The following TBC1D5 variants were observed in gnomAD, a reference collection of about 807,000 sequenced individuals.
The protein encoded by TBC1D5 is TBC1 domain family, member 5.
Under a neutral mutation model 100.3 loss-of-function variants are expected in TBC1D5, and 75 were observed. The observed-to-expected ratio is 0.75, with a 90% CI of 0.62 to 0.91. The LOEUF (loss-of-function observed/expected upper bound fraction) is 0.91. Among genes scored for constraint, TBC1D5 ranks in the 40% least tolerant of loss-of-function variants. The pLI is 0.00. For synonymous variants in TBC1D5, 323 were observed against 325.6 expected (o/e 0.99, Z 0.09); for missense variants, 910 against 942.4 (o/e 0.97, Z 0.45).
At chr3:17,309,126 T>C (rs182045194) in intron 13 of TBC1D5, among the ~76,000 whole-genome samples, 1 of 152,122 alleles carries the variant, frequency 6.6e-6, no homozygotes, top group African/African-American at 2.4e-5. Flanking sequence ...AAAAATTAGT[T>C]AAGAGATGTT....
intron 8 of TBC1D5, among the ~76,000 whole-genome samples, chr3:17,394,454 T>C (rs1414120178): frequency 6.6e-6 from 1 of 152,086 alleles, no homozygotes; most frequent in Non-Finnish European, 1.5e-5. Flanking sequence ...AGCTTCAACT[T>C]TTCACCTTTG....
At chr3:17,676,370 G>C (rs948829728) in intron 1 of TBC1D5, among the ~76,000 whole-genome samples, 6 of 151,976 alleles carry the variant, frequency 3.9e-5, no homozygotes, top group African/African-American at 1.2e-4. Flanking sequence ...GACAAACAGA[G>C]GGCCAAATCA....
At chr3:17,349,229 A>G (rs905306325) in intron 13 of TBC1D5, among the ~76,000 whole-genome samples, 3 of 152,194 alleles carry the variant, frequency 2.0e-5, no homozygotes, top group Non-Finnish European at 4.4e-5. Flanking sequence ...TTTACTGTAC[A>G]TCAGAATCAC....
At chr3:17,738,335 TATCA>T (rs1489051630) in intron 1 of TBC1D5, among the ~76,000 whole-genome samples, 1 of 152,164 alleles carries the variant, frequency 6.6e-6, no homozygotes, top group African/African-American at 2.4e-5. Context: ...ACAGAATATC[TATCA>T]CTTACGTGAT....
chr3:17,721,268 C>A (rs771300340), intron 1 of TBC1D5, among the ~76,000 whole-genome samples: 7 of 152,078 alleles, frequency 4.6e-5, no homozygotes, highest in Non-Finnish European at 8.8e-5. Flanking sequence ...AATTAGAGTT[C>A]TCTGATGGCT....
intron 2 of TBC1D5, among the ~76,000 whole-genome samples, chr3:17,591,825 A>G (rs1265025461): frequency 6.6e-6 from 1 of 152,206 alleles, no homozygotes; most frequent in Non-Finnish European, 1.5e-5. Context: ...CAAAAATAAT[A>G]TTGAATCCTT....
chr3:17,564,110 T>C (rs947571496), intron 2 of TBC1D5, among the ~76,000 whole-genome samples: 1 of 152,204 alleles, frequency 6.6e-6, no homozygotes, highest in Non-Finnish European at 1.5e-5. Flanking sequence ...TTCATACATT[T>C]CTGTATTGTT....
intron 17 of TBC1D5, among the ~76,000 whole-genome samples, chr3:17,220,316 T>C (rs893020285): frequency 2.0e-5 from 3 of 152,222 alleles, no homozygotes; most frequent in African/African-American, 7.2e-5. Context: ...GGATATGACA[T>C]GATATTTTAT....
intron 13 of TBC1D5, among the ~76,000 whole-genome samples, chr3:17,331,909 G>C (rs1248639482): frequency 6.6e-6 from 1 of 152,202 alleles, no homozygotes; most frequent in Non-Finnish European, 1.5e-5. Context: ...GGAAAATGAG[G>C]TTGGAGAGGT....
rs150614567 is a variant in TBC1D5 at position 17,678,666 on chromosome 3, T to TAAAAAAAA, written c.-100-54761_-100-54754dup. 1.7e-3 allele frequency among the ~76,000 whole-genome samples: 190 copies of TAAAAAAAA among 109,060 alleles called. 2 individuals are homozygous for TAAAAAAAA. The highest frequency in any genetic ancestry group is 7.6e-3 in the African/African-American group (183 of 23,966). 71.5% of individuals were successfully genotyped at this position (109,060 alleles called of 152,430 possible). On this transcript the variant is annotated intron_variant, in intron 1 of 21. Coordinates refer to ENST00000253692, the Ensembl canonical transcript of TBC1D5. ...AAGAGAACTGAGGGAAAAAGAGGGA[T>TAAAAAAAA]AAAAAAAAAAAAAAAAAAAAACAGG... is the stretch of plus-strand genomic sequence containing the variant.
intron 2 of TBC1D5, among the ~76,000 whole-genome samples, chr3:17,596,693 T>C (rs1576923319): frequency 9.6e-6 from 1 of 104,574 alleles, no homozygotes; most frequent in Admixed American, 1.2e-4. Context: ...AATGAGAGAC[T>C]CCATCTCAAA....
At chr3:17,210,665 T>C (rs2072871472) in intron 18 of TBC1D5, among the ~76,000 whole-genome samples, 1 of 152,234 alleles carries the variant, frequency 6.6e-6, no homozygotes, top group Admixed American at 6.5e-5. Flanking sequence ...CATCTGAGTG[T>C]AGGTTTGTTT....
intron 13 of TBC1D5, among the ~76,000 whole-genome samples, chr3:17,348,227 C>T (rs902122525): frequency 6.6e-6 from 1 of 152,188 alleles, no homozygotes; most frequent in African/African-American, 2.4e-5. Flanking sequence ...TTGGAACTAT[C>T]ACAGCCCCAT....
chr3:17,611,191 T>C (rs1194797288), intron 2 of TBC1D5, among the ~76,000 whole-genome samples: 1 of 152,112 alleles, frequency 6.6e-6, no homozygotes, highest in Non-Finnish European at 1.5e-5. Context: ...GGGAGGTGTC[T>C]GGGGAGGGAT....
chr3:17,465,490 G>T (rs2095286370), intron 3 of TBC1D5: 1 of 154,584 alleles, frequency 6.5e-6, no homozygotes, highest in Non-Finnish European at 1.4e-5. Flanking sequence ...TCTACAGACA[G>T]TCATTGTGGA....
At chr3:17,504,462 A>AT (rs1367313234) in intron 3 of TBC1D5, among the ~76,000 whole-genome samples, 2 of 152,160 alleles carry the variant, frequency 1.3e-5, no homozygotes, top group African/African-American at 2.4e-5. Flanking sequence ...CAAAATAAAA[A>AT]TTAAAAAAAA....
intron 15 of TBC1D5, among the ~76,000 whole-genome samples, chr3:17,275,632 A>G (rs1380969584): frequency 6.6e-6 from 1 of 152,194 alleles, no homozygotes; most frequent in African/African-American, 2.4e-5. Context: ...ATTAATATAT[A>G]TCTAACAAAA....
At chr3:17,511,700 T>C (rs778790764) in intron 2 of TBC1D5, among the ~76,000 whole-genome samples, 52 of 152,120 alleles carry the variant, frequency 3.4e-4, no homozygotes, top group Non-Finnish European at 6.6e-4. Flanking sequence ...TATAATTCTT[T>C]AGAACTTAAC....
intron 1 of TBC1D5, among the ~76,000 whole-genome samples, chr3:17,704,878 A>AC (rs1472764209): frequency 3.0e-5 from 3 of 100,908 alleles, no homozygotes; most frequent in South Asian, 4.2e-4. Flanking sequence ...CGGGGGGCTG[A>AC]CCCCCCAACC....
Sources: allele counts gnomAD v4.1 joint callset (sites outside exome capture counted in the v4.1 genomes callset), GRCh38; gene constraint gnomAD v4.1.1; transcripts MANE v1.5; gene names NCBI Gene and HGNC (gene_info 2026-07-23, HGNC 2026-07-21).